Variants in GAS7 observed in about 807,000 individuals in gnomAD.
GAS7 encodes growth arrest-specific protein 7.
A neutral mutation model predicts 71.1 loss-of-function variants in GAS7; 28 were observed. The ratio of observed to expected loss-of-function variants is 0.39; its 90% CI spans 0.29 to 0.54. The LOEUF (loss-of-function observed/expected upper bound fraction) is 0.54. Ranked by LOEUF, GAS7 falls within the 20% of genes least tolerant of loss-of-function variation. The pLI is 0.62. For missense variants in GAS7, 436 were observed against 627.8 expected (o/e 0.69, Z 3.27); for synonymous variants, 258 against 245.8 (o/e 1.05, Z -0.46).
At chr17:10,144,392 AG>A (rs2074106330) in intron 1 of GAS7, among the ~76,000 whole-genome samples, 3 of 152,348 alleles carry the variant, frequency 2.0e-5, no homozygotes, top group East Asian at 3.9e-4. Context: ...AGAGCAGGAC[AG>A]GCCCCAAGAG....
Position 9,915,803 on chromosome 17 carries a change from C to G in GAS7, c.*1425G>C. ...GGGCTCCCGACTAGAATCTGCCCCTCGCTCATGCTTCTCCCGGCCCCTTTA... is the reference window on the plus strand; with the variant it reads ...GGGCTCCCGACTAGAATCTGCCCCTGGCTCATGCTTCTCCCGGCCCCTTTA... On this transcript the variant is annotated 3_prime_UTR_variant, in exon 14 of 14. Transcript: ENST00000432992. The G allele has an allele frequency of 4.3e-6, 1 of 231,464 alleles. No individual in the cohort carries two copies. The highest frequency in any genetic ancestry group is 8.6e-6 in the Non-Finnish European group (1 of 116,890). The allele number at this position is 231,464 out of a possible 1,614,324, so 14.3% of individuals were successfully genotyped here.
Position 9,913,060 on chromosome 17 carries a change from G to C in GAS7, c.*4168C>G. The C allele has an allele frequency of 4.3e-6, 1 of 232,588 alleles. No homozygotes were observed. Among genetic ancestry groups the C allele is most frequent in the Non-Finnish European group, 8.5e-6 (1 of 117,656 alleles). 14.4% of individuals were successfully genotyped at this position (232,588 alleles called of 1,614,324 possible). A position where few individuals can be genotyped will look rare whatever the true frequency, so the allele number is the denominator to read the frequency against. The stretch of plus-strand genomic sequence containing the variant: ...GCCAGGGAAAGAGGGCAGGAGAAGG[G>C]AATTTTTTGGAGGGTTAAAAACAGG... On this transcript the variant is annotated 3_prime_UTR_variant, in exon 14 of 14. Coordinates refer to ENST00000432992, the MANE Select transcript of GAS7 (RefSeq NM_201433.2).
intron 8 of GAS7, among the ~76,000 whole-genome samples, chr17:9,936,780 A>G (rs11655001): frequency 0.098 from 14,968 of 152,274 alleles, 800 homozygotes; most frequent in South Asian, 0.15. Context: ...ATCAAAATGC[A>G]TGTTGTTTTC....
intron 4 of GAS7, among the ~76,000 whole-genome samples, chr17:9,964,053 T>C (rs541616430): frequency 2.6e-4 from 40 of 152,246 alleles, no homozygotes; most frequent in Non-Finnish European, 4.4e-4. Context: ...CCCTCTACTT[T>C]TGCAAAGGTT....
In GAS7 at chr17:10,019,765, A is replaced by G; in HGVS notation, c.304+12T>C. 2 of 1,611,458 alleles carry G rather than the reference A, an allele frequency of 1.2e-6. No individual in the cohort carries two copies. Among genetic ancestry groups the G allele is most frequent in the Non-Finnish European group, 8.5e-7 (1 of 1,178,452 alleles). ...GGGGTTGGTGCAGGATTCTCCCCCG[A>G]GCGGGACTCACCATTGGTGGTCGTG... is the stretch of plus-strand genomic sequence containing the variant. On this transcript the variant is annotated intron_variant, in intron 2 of 13. Transcript: ENST00000432992.
chr17:10,075,800 T>A (rs112434987), intron 1 of GAS7, among the ~76,000 whole-genome samples: 1,614 of 131,124 alleles, frequency 0.012, 8 homozygotes, highest in South Asian at 0.025. Flanking sequence ...ATCTCAGTTT[T>A]AAAAAAAAAA....
At chr17:10,192,539 G>T (rs1017512500) in intron 1 of GAS7, among the ~76,000 whole-genome samples, 1 of 152,172 alleles carries the variant, frequency 6.6e-6, no homozygotes, top group African/African-American at 2.4e-5. Context: ...GTACGTGAAG[G>T]TCAGCCTCTC....
At chr17:9,939,931 G>A (rs767152689) in intron 8 of GAS7, among the ~76,000 whole-genome samples, 195 bp downstream of exon 8, 80 of 152,142 alleles carry the variant, frequency 5.3e-4, no homozygotes, top group Non-Finnish European at 1.0e-3. Context: ...GAGTGTGGAT[G>A]CCCACACCTT....
chr17:10,005,260 CAT>C (rs2071473852), intron 2 of GAS7, among the ~76,000 whole-genome samples: 1 of 148,282 alleles, frequency 6.7e-6, no homozygotes, highest in African/African-American at 2.6e-5. Flanking sequence ...TGTGTGCACA[CAT>C]ACATGTATGT....
In GAS7 at chr17:9,919,381, CAAG is replaced by C. The variant is rs1305272816; in HGVS notation, c.1218+242_1218+244del. Among the ~76,000 whole-genome samples, 1 of 152,126 alleles carries C rather than the reference CAAG, an allele frequency of 6.6e-6. No individual in the cohort carries two copies. ...GACCCTGACCTCTCAGGGGACAGCC[CAAG>C]AAGGATGTAGCCATATCCAACCCAA... On this transcript the variant is annotated intron_variant, in intron 12 of 13. Transcript: ENST00000432992. The surrounding 1 kb of genome is among the most constrained non-coding windows in gnomAD (Gnocchi z 5.0).
intron 1 of GAS7, among the ~76,000 whole-genome samples, chr17:10,055,506 C>G (rs7226004): frequency 0.51 from 77,112 of 151,876 alleles, 21,884 homozygotes; most frequent in Non-Finnish European, 0.62. Flanking sequence ...CACTGCACAT[C>G]AGCTTCCCAA....
chr17:10,082,531 T>C (rs2152252084), intron 1 of GAS7, among the ~76,000 whole-genome samples: 1 of 152,302 alleles, frequency 6.6e-6, no homozygotes, highest in Non-Finnish European at 1.5e-5. Context: ...CAACAGAAGC[T>C]CATACGCTGC....
chr17:9,915,073 G>A lies in GAS7; in HGVS notation c.*2155C>T, dbSNP rs992972690. 8.6e-6 allele frequency: 2 copies of A among 231,432 alleles called. No homozygotes were observed. Among genetic ancestry groups the A allele is most frequent in the East Asian group, 6.1e-5 (1 of 16,378 alleles). 14.3% of individuals were successfully genotyped at this position (231,432 alleles called of 1,614,324 possible). ...GGAAGAAAGAAAGGAAGTACGTGAAGGGGGTAAAGAGAAGGAGGTGAGGGG... is the reference window on the plus strand; with the variant it reads ...GGAAGAAAGAAAGGAAGTACGTGAAAGGGGTAAAGAGAAGGAGGTGAGGGG... On this transcript the variant is annotated 3_prime_UTR_variant, in exon 14 of 14. Transcript: ENST00000432992.
chr17:10,156,337 A>G (rs2074205060), intron 1 of GAS7, among the ~76,000 whole-genome samples: 1 of 152,184 alleles, frequency 6.6e-6, no homozygotes, highest in Non-Finnish European at 1.5e-5. Flanking sequence ...GCCAGGCAGG[A>G]GGAGGATCTT....
At chr17:10,069,019 G>A (rs569566292) in intron 1 of GAS7, among the ~76,000 whole-genome samples, 1 of 152,124 alleles carries the variant, frequency 6.6e-6, no homozygotes, top group Non-Finnish European at 1.5e-5. Flanking sequence ...GGCATCCCCT[G>A]CCTAGCACAA....
intron 1 of GAS7, among the ~76,000 whole-genome samples, chr17:10,061,547 G>A (rs1055347386): frequency 2.0e-5 from 3 of 152,214 alleles, no homozygotes; most frequent in African/African-American, 4.8e-5. Context: ...TGACATTTTC[G>A]TGTTTTATTG....
chr17:9,973,711 C>T (rs897243015), intron 3 of GAS7, among the ~76,000 whole-genome samples: 2 of 152,128 alleles, frequency 1.3e-5, no homozygotes, highest in African/African-American at 4.8e-5. Context: ...AGGCACTGCA[C>T]CCAGATGGTT....
chr17:10,159,848 C>T (rs1054026903), intron 1 of GAS7, among the ~76,000 whole-genome samples: 37 of 148,096 alleles, frequency 2.5e-4, no homozygotes, highest in African/African-American at 9.4e-4. Context: ...TGCAGTGGCA[C>T]GATCTTGGCT....
chr17:10,017,755 T>G (rs994841574), intron 2 of GAS7, among the ~76,000 whole-genome samples: 2 of 152,218 alleles, frequency 1.3e-5, no homozygotes, highest in Admixed American at 1.3e-4. Flanking sequence ...GCTTTCATGC[T>G]GAAACAGTAA....
Sources: allele counts gnomAD v4.1 joint callset (sites outside exome capture counted in the v4.1 genomes callset), GRCh38; gene constraint gnomAD v4.1.1; non-coding constraint Gnocchi (gnomAD v3.1); transcripts MANE v1.5; gene names NCBI Gene and HGNC (gene_info 2026-07-23, HGNC 2026-07-21).